The following MED12L variants were observed in gnomAD, a reference collection of about 807,000 sequenced individuals.
The protein encoded by MED12L is mediator complex subunit 12L.
In MED12L, 60 loss-of-function variants were observed where a neutral mutation model predicts 281.3. The observed-to-expected ratio is 0.21, with a 90% CI of 0.17 to 0.26. The LOEUF is 0.26. Among genes scored for constraint, MED12L ranks in the 10% least tolerant of loss-of-function variants. The probability of loss-of-function intolerance (pLI) is 1.00; values close to 1 mark genes in which losing one functional copy is unlikely to be tolerated. For missense variants in MED12L, 2,146 were observed against 2,680.9 expected, an observed-to-expected ratio of 0.80 and a Z score of 4.41; for synonymous variants, 974 against 987.2, an observed-to-expected ratio of 0.99 and a Z score of 0.25.
chr3:151,385,251 T>C, intron 36 of MED12L, 60 bp downstream of exon 36: 1 of 921,004 alleles, frequency 1.1e-6, no homozygotes, highest in Non-Finnish European at 1.6e-6. Flanking sequence ...AATACTTTTT[T>C]TTGTCTTACC....
Position 151,416,295 on chromosome 3 carries a change from T to A in MED12L, c.6298-17T>A, listed in dbSNP as rs774746942. The A allele has an allele frequency of 8.7e-6, 14 of 1,612,572 alleles. No individual in the cohort carries two copies. In the South Asian group the frequency reaches 1.5e-4, roughly 18 times the overall value. On this transcript the variant is annotated splice_polypyrimidine_tract_variant and intron_variant, in intron 42 of 44. Coordinates refer to ENST00000687756, the MANE Select transcript of MED12L (RefSeq NM_001393769.1). Reference sequence around the variant, plus strand: ...CTTCTTCCTTTTAAGTGTATAACATTTTTACCCTCTTTCCAGATGCAGCAG... The same window carrying A: ...CTTCTTCCTTTTAAGTGTATAACATATTTACCCTCTTTCCAGATGCAGCAG...
chr3:151,185,559 G>A (rs1559852198), intron 12 of MED12L, 98 bp downstream of exon 12: 1 of 1,310,602 alleles, frequency 7.6e-7, no homozygotes, highest in Non-Finnish European at 1.0e-6. Context: ...TTATTCTTTT[G>A]CTCTTGAGGA....
At chr3:151,380,039 A>G (rs1711972764) in intron 31 of MED12L, 74 bp from the exon 32 acceptor site, 1 of 955,628 alleles carries the variant, frequency 1.0e-6, no homozygotes, top group Non-Finnish European at 1.6e-6. Flanking sequence ...AGTGAGGCAA[A>G]GAAATGAATG....
At chr3:151,206,685 C>T (rs1726425252) in intron 16 of MED12L, among the ~76,000 whole-genome samples, 1 of 103,562 alleles carries the variant, frequency 9.7e-6, no homozygotes, top group South Asian at 3.4e-4. Context: ...TGCTCTGTCA[C>T]CCAGGCTGGA....
At chr3:151,337,918 T>G (rs1376383529) in intron 16 of MED12L, 1 of 1,614,120 alleles carries the variant, frequency 6.2e-7, no homozygotes, top group Admixed American at 1.7e-5. Flanking sequence ...AGCATACTTA[T>G]CAAGGAATTT....
At chr3:151,185,564 TGAG>T in intron 12 of MED12L, 103 bp downstream of exon 12, 1 of 1,296,744 alleles carries the variant, frequency 7.7e-7, no homozygotes, top group East Asian at 2.6e-5. Context: ...CTTTTGCTCT[TGAG>T]GAAAAAAGGG....
chr3:151,165,708 A>G (rs1720630520), intron 10 of MED12L, 138 bp from the exon 11 acceptor site: 1 of 1,038,208 alleles, frequency 9.6e-7, no homozygotes, highest in African/African-American at 1.6e-5. Context: ...GGTTTTGTTG[A>G]TGATTGTTTG....
chr3:151,210,873 C>T (rs1342061463), intron 16 of MED12L, among the ~76,000 whole-genome samples: 1 of 152,218 alleles, frequency 6.6e-6, no homozygotes, highest in African/African-American at 2.4e-5. Flanking sequence ...ATTAGCTTCC[C>T]CTGTTTCCTT....
rs554429544 is a variant in MED12L, at chr3:151,148,190, A to T, written c.557-7971A>T. On this transcript the variant is annotated intron_variant, in intron 5 of 44. Transcript: ENST00000687756. Reference sequence around the variant, plus strand: ...AAATGTCTGTTCAGATCCTTTGCCTATTTTTTAACTGGGTTGTCTTTTTAT... The same window carrying T: ...AAATGTCTGTTCAGATCCTTTGCCTTTTTTTTAACTGGGTTGTCTTTTTAT... Among the ~76,000 whole-genome samples the T allele has an allele frequency of 1.1e-4, 17 of 152,080 alleles. No individual in the cohort carries two copies. The South Asian group carries it at 3.5e-3, about 32-fold the overall frequency.
intron 16 of MED12L, among the ~76,000 whole-genome samples, chr3:151,237,354 T>TC (rs1553753092): frequency 2.3e-5 from 3 of 128,676 alleles, no homozygotes; most frequent in Admixed American, 7.7e-5. Flanking sequence ...TTTTTTCTTT[T>TC]TTTTTTTTTT....
At chr3:151,217,437 C>T (rs1197847441) in intron 16 of MED12L, among the ~76,000 whole-genome samples, 3 of 152,202 alleles carry the variant, frequency 2.0e-5, no homozygotes, top group African/African-American at 7.2e-5. Context: ...CTTCACTGCT[C>T]CCACCACTTT....
intron 16 of MED12L, among the ~76,000 whole-genome samples, chr3:151,226,777 T>C (rs1730581660): frequency 6.6e-6 from 1 of 152,248 alleles, no homozygotes; most frequent in Non-Finnish European, 1.5e-5. Flanking sequence ...GATTTGCCAG[T>C]TTCTAAAAGT....
chr3:151,368,586 ATT>A (rs1295459593), intron 25 of MED12L, among the ~76,000 whole-genome samples: 1 of 120,732 alleles, frequency 8.3e-6, no homozygotes, highest in Non-Finnish European at 1.8e-5. Flanking sequence ...GGCAATGGTG[ATT>A]TATTTTATTT....
chr3:151,175,154 T>C (rs1463248838), intron 11 of MED12L, among the ~76,000 whole-genome samples: 3 of 152,336 alleles, frequency 2.0e-5, no homozygotes, highest in African/African-American at 4.8e-5. Flanking sequence ...AGACTAACTT[T>C]TTTACTTCTG....
At chr3:151,122,720 T>G in intron 3 of MED12L, 63 bp from the exon 4 acceptor site, 1 of 1,086,100 alleles carries the variant, frequency 9.2e-7, no homozygotes, top group Non-Finnish European at 1.3e-6. Context: ...AAAATACTAA[T>G]GTACAGTACT....
intron 16 of MED12L, among the ~76,000 whole-genome samples, chr3:151,321,867 C>T (rs1749039526): frequency 6.6e-6 from 1 of 152,140 alleles, no homozygotes; most frequent in South Asian, 2.1e-4. Context: ...CTCTTAGTGT[C>T]CCCATCTCTC....
intron 15 of MED12L, 78 bp downstream of exon 15, chr3:151,192,732 T>A: frequency 2.3e-6 from 2 of 880,186 alleles, no homozygotes; most frequent in Non-Finnish European, 3.6e-6. Flanking sequence ...TCCTTCTGTG[T>A]TCTCAGAATG....
chr3:151,413,106 G>A, intron 41 of MED12L, 33 bp from the exon 42 acceptor site: 1 of 1,593,336 alleles, frequency 6.3e-7, no homozygotes, highest in Non-Finnish European at 8.6e-7. Context: ...CATTATGCTT[G>A]GGCCTGAACC....
rs545316277 is a variant in MED12L at position 151,425,627 on chromosome 3, G to C, written c.6409-4672G>C. 6.3e-4 allele frequency: 288 copies of C among 456,400 alleles called. 1 individual carries two copies. The highest frequency in any genetic ancestry group is 1.2e-3 in the Admixed American group (49 of 42,578). The allele number at this position is 456,400 out of a possible 1,614,324, so 28.3% of individuals were successfully genotyped here. A position where few individuals can be genotyped will look rare whatever the true frequency, so the allele number is the denominator to read the frequency against. On this transcript the variant is annotated intron_variant, in intron 43 of 44. Transcript: ENST00000687756. ...AAACAATGGTATTTCCTGGAGAAGT[G>C]GTTATACCATGTTGATTAGTTATAC...
Sources: allele counts gnomAD v4.1 joint callset (sites outside exome capture counted in the v4.1 genomes callset), GRCh38; gene constraint gnomAD v4.1.1; transcripts MANE v1.5; gene names NCBI Gene and HGNC (gene_info 2026-07-23, HGNC 2026-07-21).